The following RYR2 variants were observed in gnomAD, a reference collection of about 807,000 sequenced individuals.
RYR2 encodes the protein ryanodine receptor 2, also known as cardiac muscle ryanodine receptor-calcium release channel.
Under a neutral mutation model 601.1 loss-of-function variants are expected in RYR2, and 227 were observed. The ratio of observed to expected loss-of-function variants is 0.38; its 90% CI spans 0.34 to 0.42. RYR2 has a LOEUF of 0.42. Among genes scored for constraint, RYR2 ranks in the 10% least tolerant of loss-of-function variants. RYR2 has a pLI of 1.00. For synonymous variants in RYR2, 2,223 were observed against 2,175.1 expected (o/e 1.02, Z -0.61); for missense variants, 4,646 against 6,156.5 (o/e 0.75, Z 8.21).
At chr1:237,544,049 C>A (rs1433173702) in intron 25 of RYR2, among the ~76,000 whole-genome samples, 1 of 152,020 alleles carries the variant, frequency 6.6e-6, no homozygotes, top group African/African-American at 2.4e-5. Context: ...GAAAGCAAAG[C>A]CTAAACTGTT....
chr1:237,274,070 A>G (rs1319532369), intron 2 of RYR2, among the ~76,000 whole-genome samples: 1 of 147,094 alleles, frequency 6.8e-6, no homozygotes. Context: ...ATATACCTTT[A>G]TATTATATAT....
In RYR2 at chr1:237,595,553, C is replaced by G. The variant is rs770375309; in HGVS notation, c.4492C>G (p.Gln1498Glu). 4 of 1,613,660 alleles carry G rather than the reference C, an allele frequency of 2.5e-6. No individual in the cohort carries two copies. In the East Asian group the frequency reaches 8.9e-5, roughly 36 times the overall value. ...TGCGGGTGAGAGCATGAGCCCCGGG[C>G]AAGGACGCAACAATAATGGACTGGA... Reference protein sequence around the residue: ...VCAGESMSPGQGRNNNGLEIG... With the variant: ...VCAGESMSPGEGRNNNGLEIG... Residue 1498 changes from glutamine (Q) to glutamate (E), a missense_variant, in exon 34 of 105, where the codon CAA becomes GAA. Coordinates refer to ENST00000366574, the MANE Select transcript of RYR2 (RefSeq NM_001035.3).
At chr1:237,309,940 C>T (rs974720855) in intron 2 of RYR2, among the ~76,000 whole-genome samples, 3 of 152,224 alleles carry the variant, frequency 2.0e-5, no homozygotes, top group Non-Finnish European at 4.4e-5. Flanking sequence ...CCGCCGAGCC[C>T]ACGCTCACCA....
At chr1:237,786,138 G>T (rs1184311496) in intron 91 of RYR2, 102 bp downstream of exon 91, 1 of 741,014 alleles carries the variant, frequency 1.3e-6, no homozygotes, top group East Asian at 2.7e-5. Flanking sequence ...ATCTCATATT[G>T]TCAAGGAGCC....
chr1:237,795,836 G>GTGTGTGTATATATA (rs371932356), intron 96 of RYR2, among the ~76,000 whole-genome samples: 2 of 132,692 alleles, frequency 1.5e-5, no homozygotes, highest in African/African-American at 2.9e-5. Flanking sequence ...GTGTGTGTGT[G>GTGTGTGTATATATA]TATATATATA....
At chr1:237,048,970 G>C (rs1660923420) in intron 1 of RYR2, among the ~76,000 whole-genome samples, 1 of 152,220 alleles carries the variant, frequency 6.6e-6, no homozygotes, top group Admixed American at 6.5e-5. Context: ...TGGAAGAATA[G>C]AGGTAAGATC....
At chr1:237,044,500 A>T (rs1164591439) in intron 1 of RYR2, among the ~76,000 whole-genome samples, 1 of 152,172 alleles carries the variant, frequency 6.6e-6, no homozygotes, top group African/African-American at 2.4e-5. Context: ...GCTGCCTGTC[A>T]GCTAGAGCAG....
chr1:237,170,446 G>C (rs1677229741), intron 1 of RYR2, among the ~76,000 whole-genome samples: 1 of 152,194 alleles, frequency 6.6e-6, no homozygotes, highest in Admixed American at 6.5e-5. Flanking sequence ...ACTGAGAGCT[G>C]TGACCCTCCT....
At chr1:237,652,457 C>A (rs986366361) in intron 51 of RYR2, among the ~76,000 whole-genome samples, 8 of 152,032 alleles carry the variant, frequency 5.3e-5, no homozygotes, top group African/African-American at 1.9e-4. Flanking sequence ...GCAATGCCAT[C>A]TAGTAGCATT....
intron 101 of RYR2, among the ~76,000 whole-genome samples, chr1:237,826,763 T>C (rs1663138446): frequency 6.6e-6 from 1 of 152,218 alleles, no homozygotes; most frequent in East Asian, 1.9e-4. Context: ...GCCCAGCACA[T>C]GTATTAACTA....
rs551032394 is a variant in RYR2, at chr1:237,631,874, C to T, written c.6555+333C>T. On this transcript the variant is annotated intron_variant, in intron 42 of 104. Transcript: ENST00000366574. ...CGATCTCCTGACCTCGTGATCCGCC[C>T]GCCTTGGCCTCCCCTCCCGAAGTGC... is the stretch of plus-strand genomic sequence containing the variant. Among the ~76,000 whole-genome samples the T allele has an allele frequency of 0.042, 2,253 of 53,172 alleles. 101 individuals carry two copies. Among genetic ancestry groups the T allele is most frequent in the East Asian group, 0.22 (893 of 4,146 alleles). 34.9% of individuals were successfully genotyped at this position (53,172 alleles called of 152,430 possible). A position where few individuals can be genotyped will look rare whatever the true frequency, so the allele number is the denominator to read the frequency against.
chr1:237,591,826 C>T lies in RYR2; in HGVS notation c.4248C>T (p.Asp1416=). Reference sequence around the variant, plus strand: ...ATGTCCTTGCTGATGATCGGGATGACTATGATTTCTTGATGCAAACGTCCA... The same window carrying T: ...ATGTCCTTGCTGATGATCGGGATGATTATGATTTCTTGATGCAAACGTCCA... ...TEDVLADDRD[D]YDFLMQTSTY... The change falls in exon 32 of 105, where the codon GAC becomes GAT. Residue 1416 remains aspartate, a synonymous_variant. Coordinates refer to ENST00000366574, the MANE Select transcript of RYR2 (RefSeq NM_001035.3). 6.2e-7 allele frequency: 1 copy of T among 1,613,258 alleles called. No individual in the cohort carries two copies. The highest frequency in any genetic ancestry group is 8.5e-7 in the Non-Finnish European group (1 of 1,179,616).
At chr1:237,750,245 C>A (rs1433224918) in intron 80 of RYR2, among the ~76,000 whole-genome samples, 1 of 151,958 alleles carries the variant, frequency 6.6e-6, no homozygotes, top group African/African-American at 2.4e-5. Flanking sequence ...TGGAACTATA[C>A]ATAACACAGT....
At chr1:237,167,219 A>C (rs1191387151) in intron 1 of RYR2, among the ~76,000 whole-genome samples, 1 of 152,204 alleles carries the variant, frequency 6.6e-6, no homozygotes, top group Non-Finnish European at 1.5e-5. Flanking sequence ...CCAGGGGTTG[A>C]TTCTCATTCT....
chr1:237,086,312 C>T (rs1211634413), intron 1 of RYR2, among the ~76,000 whole-genome samples: 1 of 152,152 alleles, frequency 6.6e-6, no homozygotes, highest in Non-Finnish European at 1.5e-5. Flanking sequence ...GTCCTAATCT[C>T]TTCTTCTTCT....
intron 14 of RYR2, among the ~76,000 whole-genome samples, chr1:237,446,097 G>A (rs1365318875): frequency 6.6e-6 from 1 of 152,152 alleles, no homozygotes; most frequent in Non-Finnish European, 1.5e-5. Flanking sequence ...TTACAGGTGT[G>A]AGCCACCGTG....
chr1:237,259,774 C>G (rs1188961824), intron 1 of RYR2, among the ~76,000 whole-genome samples: 1 of 152,128 alleles, frequency 6.6e-6, no homozygotes, highest in African/African-American at 2.4e-5. Flanking sequence ...GGACTGAAGG[C>G]ACCTTGGAGG....
intron 1 of RYR2, among the ~76,000 whole-genome samples, chr1:237,137,628 A>G (rs1192271106): frequency 1.3e-5 from 2 of 152,234 alleles, no homozygotes; most frequent in African/African-American, 4.8e-5. Flanking sequence ...GCTTCTGTTT[A>G]TCTGTACAGA....
intron 1 of RYR2, among the ~76,000 whole-genome samples, chr1:237,205,501 A>C (rs758117561): frequency 6.6e-6 from 1 of 152,244 alleles, no homozygotes; most frequent in Middle Eastern, 3.4e-3. Flanking sequence ...CCAAGAGACT[A>C]TGTGCAATCA....
Sources: gnomAD v4.1 joint callset for allele counts (sites outside exome capture counted in the v4.1 genomes callset) on GRCh38, gnomAD v4.1.1 for gene constraint, MANE v1.5 for transcripts, NCBI Gene and HGNC (gene_info 2026-07-23, HGNC 2026-07-21) for gene names.